The following MOV10L1 variants were observed in gnomAD, a reference collection of about 807,000 sequenced individuals.
MOV10L1 encodes Mov10 like RNA helicase 1.
Under a neutral mutation model 143.8 loss-of-function variants are expected in MOV10L1, and 110 were observed. That is an observed-to-expected ratio of 0.76 (90% CI 0.66 to 0.90). The LOEUF (loss-of-function observed/expected upper bound fraction) is 0.90. Among genes scored for constraint, MOV10L1 ranks in the 40% least tolerant of loss-of-function variants. The pLI is 0.00. For missense variants in MOV10L1, 1,406 were observed against 1,526.8 expected (o/e 0.92, Z 1.32); for synonymous variants, 593 against 581.1 (o/e 1.02, Z -0.29).
intron 17 of MOV10L1, among the ~76,000 whole-genome samples, chr22:50,143,824 C>T (rs533380963): frequency 2.0e-5 from 3 of 150,986 alleles, no homozygotes; most frequent in African/African-American, 7.3e-5. Flanking sequence ...TTGTACCACA[C>T]GCCAGATGTG....
chr22:50,108,645 C>G lies in MOV10L1; in HGVS notation c.556-12C>G, dbSNP rs1289323715. 1.9e-6 allele frequency: 3 copies of G among 1,613,572 alleles called. No homozygotes were observed. Among genetic ancestry groups the G allele is most frequent in the South Asian group, 1.1e-5 (1 of 91,048 alleles). The stretch of plus-strand genomic sequence containing the variant: ...CATCTGCTTCCTGTGACGCTCAGCT[C>G]TCTGCTCCCAGGTCTGCATCTCTAG... On this transcript the variant is annotated splice_polypyrimidine_tract_variant and intron_variant, in intron 4 of 26. Transcript: ENST00000262794.
rs1241218100 is a variant in MOV10L1, at chr22:50,159,391, G to A, written c.3217-287G>A. The A allele has an allele frequency of 1.6e-5, 3 of 189,932 alleles. No homozygotes were observed. Among genetic ancestry groups the A allele is most frequent in the African/African-American group, 4.8e-5 (2 of 42,102 alleles). The allele number at this position is 189,932 out of a possible 1,614,324, so 11.8% of individuals were successfully genotyped here. On this transcript the variant is annotated intron_variant, in intron 23 of 26. Transcript: ENST00000262794. The surrounding 1 kb of genome is among the most constrained non-coding windows in gnomAD (Gnocchi z 4.1). ...CCGAGGTAGGCGGATCACAAGGTCA[G>A]GAGTTCAAGACCAGCCTGGCCAATA...
chr22:50,142,962 C>CCA, intron 16 of MOV10L1, 81 bp from the exon 17 acceptor site: 2 of 1,363,942 alleles, frequency 1.5e-6, no homozygotes. Context: ...GACGTGCTGA[C>CCA]GCCTGACCTA....
chr22:50,150,235 T>C lies in MOV10L1; in HGVS notation c.2728-500T>C, dbSNP rs1020861705. On this transcript the variant is annotated intron_variant, in intron 20 of 26. Transcript: ENST00000262794. ...AGCACTGGACATTTCAGGGTCCTCCTTGGCACCCATCCTAGATGTCTGTCC... is the reference window on the plus strand; with the variant it reads ...AGCACTGGACATTTCAGGGTCCTCCCTGGCACCCATCCTAGATGTCTGTCC... Among the ~76,000 whole-genome samples the C allele has an allele frequency of 2.0e-5, 3 of 152,198 alleles. No individual in the cohort carries two copies. In the South Asian group the frequency reaches 6.2e-4, roughly 31 times the overall value.
chr22:50,153,554 AG>A (rs2063351331), intron 22 of MOV10L1, among the ~76,000 whole-genome samples: 1 of 152,182 alleles, frequency 6.6e-6, no homozygotes. Flanking sequence ...GGGACGCCCC[AG>A]GGCCGCAGGA....
chr22:50,096,709 G>A (rs1602114802), intron 2 of MOV10L1, among the ~76,000 whole-genome samples: 1 of 151,988 alleles, frequency 6.6e-6, no homozygotes, highest in East Asian at 1.9e-4. Context: ...TCTCACTGTG[G>A]TTTTGATTTG....
intron 8 of MOV10L1, among the ~76,000 whole-genome samples, chr22:50,115,624 G>T (rs2062152210): frequency 6.6e-6 from 1 of 152,134 alleles, no homozygotes. Context: ...CTAGAAGCTG[G>T]GTACCAAGTG....
At chr22:50,127,779 G>GT (rs71198220) in intron 12 of MOV10L1, among the ~76,000 whole-genome samples, 33,486 of 146,764 alleles carry the variant, frequency 0.23, 4,050 homozygotes, top group Admixed American at 0.35. Flanking sequence ...TGTTTTTTTT[G>GT]TTTTTTTTTT....
At chr22:50,116,526 G>A (rs1394684703) in intron 8 of MOV10L1, among the ~76,000 whole-genome samples, 1 of 151,770 alleles carries the variant, frequency 6.6e-6, no homozygotes, top group African/African-American at 2.4e-5. Context: ...AGCGAGGACT[G>A]GGCAGAAAGC....
chr22:50,112,484 C>G (rs1425214927), intron 5 of MOV10L1, among the ~76,000 whole-genome samples: 5 of 152,172 alleles, frequency 3.3e-5, no homozygotes, highest in Non-Finnish European at 7.4e-5. Context: ...CAGGAACTCA[C>G]TAGGGCCGCT....
chr22:50,147,174 G>A, intron 19 of MOV10L1: 1 of 1,575,704 alleles, frequency 6.3e-7, no homozygotes, highest in Non-Finnish European at 8.6e-7. Flanking sequence ...TGGCCGGCCA[G>A]GGCAGGCCGC....
intron 10 of MOV10L1, among the ~76,000 whole-genome samples, chr22:50,122,925 C>A (rs1374394362): frequency 6.6e-6 from 1 of 152,062 alleles, no homozygotes; most frequent in East Asian, 1.9e-4. Flanking sequence ...CAGGGTCTTA[C>A]AATCCTCCCG....
intron 5 of MOV10L1, among the ~76,000 whole-genome samples, chr22:50,113,027 T>A (rs1268497499): frequency 1.3e-5 from 2 of 152,128 alleles, no homozygotes; most frequent in African/African-American, 2.4e-5. Flanking sequence ...CCCATTTTTT[T>A]AATGGTGCTT....
In MOV10L1 at chr22:50,091,642, T is replaced by C. The variant is rs1363350124; in HGVS notation, c.98-359T>C. Among the ~76,000 whole-genome samples the C allele has an allele frequency of 3.9e-5, 6 of 152,278 alleles. No homozygotes were observed. The East Asian group carries it at 1.2e-3, about 29-fold the overall frequency. On this transcript the variant is annotated intron_variant, in intron 1 of 26. Coordinates refer to ENST00000262794, the MANE Select transcript of MOV10L1 (RefSeq NM_018995.3). ...CTCTCTTGGGTAGTGACGATTAGTCTCCATCTTACAGATGGCAACAGGCCC... is the reference window on the plus strand; with the variant it reads ...CTCTCTTGGGTAGTGACGATTAGTCCCCATCTTACAGATGGCAACAGGCCC...
chr22:50,107,937 T>C (rs2147102253), intron 3 of MOV10L1, among the ~76,000 whole-genome samples, 199 bp from the exon 4 acceptor site: 1 of 152,370 alleles, frequency 6.6e-6, no homozygotes, highest in South Asian at 2.1e-4. Context: ...AGGCTCCAGC[T>C]CAGCTCATTT....
At position 50,116,086 on chromosome 22, in the gene MOV10L1, T is replaced by A. The variant is rs149239735; in HGVS notation, c.1259+840T>A. Among the ~76,000 whole-genome samples, 1,123 of 152,212 alleles carry A rather than the reference T, an allele frequency of 7.4e-3. 6 individuals carry two copies. The highest frequency in any genetic ancestry group is 0.012 in the Non-Finnish European group (792 of 68,020). On this transcript the variant is annotated intron_variant, in intron 8 of 26. Coordinates refer to ENST00000262794, the MANE Select transcript of MOV10L1 (RefSeq NM_018995.3). Reference sequence around the variant, plus strand: ...ATAGCCTTCCAGCTGGGTGTCTAATTCTAAATTTTTTGAAAAACTTAAATC... The same window carrying A: ...ATAGCCTTCCAGCTGGGTGTCTAATACTAAATTTTTTGAAAAACTTAAATC...
Position 50,143,034 on chromosome 22 carries a change from T to C in MOV10L1, c.2180-9T>C, listed in dbSNP as rs768333610. 8 of 1,612,822 alleles carry C rather than the reference T, an allele frequency of 5.0e-6. No homozygotes were observed. Among genetic ancestry groups the C allele is most frequent in the Middle Eastern group, 1.6e-4 (1 of 6,062 alleles). On this transcript the variant is annotated splice_polypyrimidine_tract_variant and intron_variant, in intron 16 of 26. Coordinates refer to ENST00000262794, the MANE Select transcript of MOV10L1 (RefSeq NM_018995.3). ...CATCTAACTGAAACTTTCTTCACTT[T>C]GAATACAGTAGATGAAATTCAGACC...
intron 13 of MOV10L1, 59 bp from the exon 14 acceptor site, chr22:50,133,948 C>T: frequency 7.0e-7 from 1 of 1,435,044 alleles, no homozygotes; most frequent in South Asian, 1.2e-5. Context: ...TTACCTTATG[C>T]CAGCCTTAAT....
At chr22:50,149,368 C>A in intron 19 of MOV10L1, 1 of 507,894 alleles carries the variant, frequency 2.0e-6, no homozygotes, top group Non-Finnish European at 3.5e-6. Flanking sequence ...CCCCTTCTTC[C>A]CTCCACATCT....
Sources: gnomAD v4.1 joint callset for allele counts (sites outside exome capture counted in the v4.1 genomes callset) on GRCh38, gnomAD v4.1.1 for gene constraint, Gnocchi (gnomAD v3.1) non-coding constraint, MANE v1.5 for transcripts, NCBI Gene and HGNC (gene_info 2026-07-23, HGNC 2026-07-21) for gene names.